Variants in HERC4 observed in about 807,000 individuals in gnomAD.
The protein encoded by HERC4 is probable E3 ubiquitin-protein ligase HERC4.
Under a neutral mutation model 124.3 loss-of-function variants are expected in HERC4, and 28 were observed. That is an observed-to-expected ratio of 0.23 (90% CI 0.17 to 0.31). HERC4 has a LOEUF of 0.31. HERC4 is among the 10% of genes least tolerant of loss of function. The probability of loss-of-function intolerance (pLI) is 1.00; values close to 1 mark genes in which losing one functional copy is unlikely to be tolerated. For synonymous variants in HERC4, 407 were observed against 421.5 expected (o/e 0.97, Z 0.42); for missense variants, 713 against 1,229.3 (o/e 0.58, Z 6.28).
At chr10:67,968,754 T>C (rs2035051385) in intron 15 of HERC4, among the ~76,000 whole-genome samples, 1 of 151,972 alleles carries the variant, frequency 6.6e-6, no homozygotes, top group African/African-American at 2.4e-5. Flanking sequence ...AATAAAAGGA[T>C]TAATTCACCA....
intron 5 of HERC4, among the ~76,000 whole-genome samples, chr10:68,036,159 A>C (rs1048769710): frequency 6.6e-6 from 1 of 151,854 alleles, no homozygotes; most frequent in Non-Finnish European, 1.5e-5. Context: ...CTAAAAAAAA[A>C]CGCAAAAAAT....
chr10:68,062,216 T>G (rs1229760684), intron 3 of HERC4, among the ~76,000 whole-genome samples: 3 of 152,122 alleles, frequency 2.0e-5, no homozygotes, highest in Non-Finnish European at 4.4e-5. Context: ...ATTATTAAGT[T>G]TACCACAAAA....
At chr10:68,032,890 T>C (rs765408241) in intron 6 of HERC4, 21 bp from the exon 7 acceptor site, 1 of 1,217,148 alleles carries the variant, frequency 8.2e-7, no homozygotes, top group Non-Finnish European at 1.2e-6. Flanking sequence ...CAACAAGAGA[T>C]GTTAATAGTA....
chr10:67,947,133 A>G (rs936213955), intron 19 of HERC4, among the ~76,000 whole-genome samples: 10 of 152,222 alleles, frequency 6.6e-5, no homozygotes, highest in Admixed American at 3.9e-4. Flanking sequence ...GATTTAACAG[A>G]TATTTATAGG....
At chr10:67,998,930 G>T (rs2037065369) in intron 9 of HERC4, among the ~76,000 whole-genome samples, 1 of 152,050 alleles carries the variant, frequency 6.6e-6, no homozygotes, top group Admixed American at 6.5e-5. Flanking sequence ...AGTAGAAACG[G>T]GGTTTCACCA....
intron 23 of HERC4, 116 bp from the exon 24 acceptor site, chr10:67,925,303 T>G: frequency 1.9e-6 from 1 of 537,614 alleles, no homozygotes; most frequent in South Asian, 3.2e-5. Flanking sequence ...GATTGCCCAC[T>G]GTTTTCTGGA....
At chr10:67,986,455 C>T (rs921008391) in intron 15 of HERC4, among the ~76,000 whole-genome samples, 1 of 152,102 alleles carries the variant, frequency 6.6e-6, no homozygotes, top group Non-Finnish European at 1.5e-5. Context: ...TGGGTTCAAG[C>T]GATTCTCTTG....
rs199645377 is a variant in HERC4 at position 67,986,519 on chromosome 10, A to ATT, written c.1806+2142_1806+2143dup. 1.2e-4 allele frequency among the ~76,000 whole-genome samples: 18 copies of ATT among 150,882 alleles called. No individual in the cohort carries two copies. The East Asian group carries it at 3.3e-3, about 28-fold the overall frequency. On this transcript the variant is annotated intron_variant, in intron 15 of 24. Transcript: ENST00000373700. ...AGGCATGCACCACCATACCCAGCTA[A>ATT]TTTTTTTTTGTATTTTTAGTGGAGA...
intron 17 of HERC4, chr10:67,956,280 T>C (rs1055963677): frequency 1.3e-5 from 2 of 152,104 alleles, no homozygotes; most frequent in African/African-American, 4.8e-5. Flanking sequence ...TTTAAAGTCA[T>C]AATATGAATT....
intron 3 of HERC4, among the ~76,000 whole-genome samples, chr10:68,054,621 G>C (rs1187134433): frequency 6.6e-6 from 1 of 152,046 alleles, no homozygotes; most frequent in Non-Finnish European, 1.5e-5. Flanking sequence ...TGGGATTACA[G>C]GCATGAGACA....
chr10:68,049,251 T>G (rs1034286904), intron 3 of HERC4, among the ~76,000 whole-genome samples: 9 of 152,158 alleles, frequency 5.9e-5, no homozygotes, highest in Non-Finnish European at 1.2e-4. Context: ...GGATATATTA[T>G]CCATTGGGGA....
At chr10:67,959,048 C>T in intron 16 of HERC4, 2 of 1,366,058 alleles carry the variant, frequency 1.5e-6, no homozygotes, top group East Asian at 2.4e-5. Flanking sequence ...TTTGGCTCTT[C>T]TATTACTCAG....
Position 68,059,808 on chromosome 10 carries a change from TATA to T in HERC4, c.226+13072_226+13074del, listed in dbSNP as rs1322210239. On this transcript the variant is annotated intron_variant, in intron 3 of 24. Transcript: ENST00000373700. The stretch of plus-strand genomic sequence containing the variant: ...TATTATATATCATAATATTATATAT[TATA>T]ATATTATATATCATAATATTATATA... Among the ~76,000 whole-genome samples, 146 of 69,380 alleles carry T rather than the reference TATA, an allele frequency of 2.1e-3. 18 individuals are homozygous for T. The highest frequency in any genetic ancestry group is 0.014 in the Middle Eastern group (2 of 142). The allele number at this position is 69,380 out of a possible 152,430, so 45.5% of individuals were successfully genotyped here. A position where few individuals can be genotyped will look rare whatever the true frequency, so the allele number is the denominator to read the frequency against.
intron 9 of HERC4, among the ~76,000 whole-genome samples, chr10:68,004,623 A>T (rs2037430891): frequency 6.6e-6 from 1 of 152,128 alleles, no homozygotes; most frequent in African/African-American, 2.4e-5. Flanking sequence ...ATTGCCTGAG[A>T]CTGGGTAATT....
chr10:67,927,401 T>TCACC (rs2031145207), intron 23 of HERC4, among the ~76,000 whole-genome samples: 1 of 8,398 alleles, frequency 1.2e-4, no homozygotes, highest in African/African-American at 3.2e-4. Flanking sequence ...TATATATATA[T>TCACC]ATATATATAT....
chr10:67,961,499 C>G (rs2034518106), intron 16 of HERC4: 1 of 152,128 alleles, frequency 6.6e-6, no homozygotes. Context: ...TCAAAAAGAC[C>G]CTTGGCTGAT....
Position 68,069,721 on chromosome 10 carries a change from C to T in HERC4, c.226+3162G>A, listed in dbSNP as rs539882662. On this transcript the variant is annotated intron_variant, in intron 3 of 24. Coordinates refer to ENST00000373700, the MANE Select transcript of HERC4 (RefSeq NM_015601.4). Reference sequence around the variant, plus strand: ...AAACAATTCTTAGTTCCCTCCATTCCATGTGCTTTCTGACACAAGTTTAAA... The same window carrying T: ...AAACAATTCTTAGTTCCCTCCATTCTATGTGCTTTCTGACACAAGTTTAAA... The T allele has an allele frequency of 6.5e-5, 64 of 985,458 alleles. No homozygotes were observed. The African/African-American group carries it at 1.1e-3, about 17-fold the overall frequency. 61.0% of individuals were successfully genotyped at this position (985,458 alleles called of 1,614,324 possible). A position where few individuals can be genotyped will look rare whatever the true frequency, so the allele number is the denominator to read the frequency against.
intron 3 of HERC4, among the ~76,000 whole-genome samples, chr10:68,062,918 CTTAAT>C (rs1281090310): frequency 1.3e-5 from 2 of 152,050 alleles, no homozygotes; most frequent in Non-Finnish European, 2.9e-5. Context: ...ATTCAAGCTC[CTTAAT>C]TTATTTCTAC....
At chr10:68,003,929 C>T (rs1293464621) in intron 9 of HERC4, among the ~76,000 whole-genome samples, 1 of 152,182 alleles carries the variant, frequency 6.6e-6, no homozygotes, top group African/African-American at 2.4e-5. Flanking sequence ...AATCTCCATA[C>T]TGTTCTCCAC....
Sources: allele counts gnomAD v4.1 joint callset (sites outside exome capture counted in the v4.1 genomes callset), GRCh38; gene constraint gnomAD v4.1.1; transcripts MANE v1.5; gene names NCBI Gene and HGNC (gene_info 2026-07-23, HGNC 2026-07-21).